HYCC2: variants seen among roughly 807,000 people sequenced by gnomAD.
HYCC2 encodes the protein hyccin 2.
the HYCC2 span, among the ~76,000 whole-genome samples, chr2:201,020,380 G>A: frequency 5.0e-4 from 76 of 152,290 alleles, 1 homozygote; most frequent in Admixed American, 2.0e-4. Flanking sequence ...ACTTGAGTGG[G>A]TTAAAGAATG....
At chr2:201,008,990 T>C in the HYCC2 span, 1 of 1,610,672 alleles carries the variant, frequency 6.2e-7, no homozygotes, top group Admixed American at 1.7e-5. Flanking sequence ...GTGCAGTGAA[T>C]GTTTCCCTCT....
chr2:200,993,418 G>A, the HYCC2 span, among the ~76,000 whole-genome samples: 1 of 152,122 alleles, frequency 6.6e-6, no homozygotes, highest in Non-Finnish European at 1.5e-5. Flanking sequence ...TGTTGTCTGT[G>A]AGGCCATTTT....
the HYCC2 span, among the ~76,000 whole-genome samples, chr2:200,988,999 A>AT: frequency 6.6e-6 from 1 of 152,222 alleles, no homozygotes; most frequent in Non-Finnish European, 1.5e-5. Context: ...AGCAGCCTGG[A>AT]TAGGTGTGCC....
the HYCC2 span, among the ~76,000 whole-genome samples, chr2:201,018,117 T>G: frequency 6.6e-6 from 1 of 152,146 alleles, no homozygotes; most frequent in African/African-American, 2.4e-5. Context: ...TTCAATTGGC[T>G]AATTTTTCAT....
At chr2:201,021,037 G>A in the HYCC2 span, among the ~76,000 whole-genome samples, 1 of 152,170 alleles carries the variant, frequency 6.6e-6, no homozygotes, top group African/African-American at 2.4e-5. Flanking sequence ...AAAGTGCTGA[G>A]ATTACAGGCG....
chr2:200,979,685 G>A, the HYCC2 span: 1 of 152,514 alleles, frequency 6.6e-6, no homozygotes, highest in Non-Finnish European at 1.5e-5. Context: ...ACATCTAAAT[G>A]TACAAAGCAC....
the HYCC2 span, among the ~76,000 whole-genome samples, chr2:201,037,899 A>C: frequency 6.6e-6 from 1 of 152,176 alleles, no homozygotes; most frequent in East Asian, 1.9e-4. Context: ...AATGGGATCT[A>C]ATTAAACTAA....
chr2:201,037,365 C>T, the HYCC2 span, among the ~76,000 whole-genome samples: 8 of 152,098 alleles, frequency 5.3e-5, no homozygotes, highest in African/African-American at 9.7e-5. Context: ...TACCAATGAC[C>T]TTCTTCACAG....
chr2:201,050,141 G>A, the HYCC2 span, among the ~76,000 whole-genome samples: 15 of 151,402 alleles, frequency 9.9e-5, no homozygotes, highest in East Asian at 1.9e-4. Flanking sequence ...TTGAGCCCAC[G>A]AGTTTAAGGC....
the HYCC2 span, among the ~76,000 whole-genome samples, chr2:201,060,644 GA>G: frequency 6.6e-6 from 1 of 151,990 alleles, no homozygotes; most frequent in East Asian, 1.9e-4. Context: ...TCCTACGTCT[GA>G]ATTTTTTTTA....
the HYCC2 span, among the ~76,000 whole-genome samples, chr2:201,030,730 C>A: frequency 7.2e-5 from 11 of 152,146 alleles, no homozygotes; most frequent in Non-Finnish European, 1.0e-4. Context: ...AGGAGTGCAC[C>A]ACCACACCCA....
At chr2:201,038,570 A>T in the HYCC2 span, among the ~76,000 whole-genome samples, 1 of 152,248 alleles carries the variant, frequency 6.6e-6, no homozygotes, top group Non-Finnish European at 1.5e-5. Context: ...GCCATAAAAA[A>T]GGATGAGTTC....
chr2:201,055,572 A>G, the HYCC2 span, among the ~76,000 whole-genome samples: 1 of 152,018 alleles, frequency 6.6e-6, no homozygotes, highest in Non-Finnish European at 1.5e-5. Flanking sequence ...GGTAGTGAGC[A>G]CCTATAGTTC....
At chr2:200,978,362 T>C in the HYCC2 span, 2 of 148,952 alleles carry the variant, frequency 1.3e-5, no homozygotes, top group South Asian at 2.1e-4. Flanking sequence ...CCTAAAAGAA[T>C]AGAAAACAAA....
At chr2:201,062,951 A>G in the HYCC2 span, 1 of 1,038,854 alleles carries the variant, frequency 9.6e-7, no homozygotes. Flanking sequence ...AACAACTACT[A>G]CTGCTGCTGC....
chr2:201,056,936 C>A, the HYCC2 span, among the ~76,000 whole-genome samples: 2 of 152,154 alleles, frequency 1.3e-5, no homozygotes, highest in African/African-American at 4.8e-5. Flanking sequence ...TAGCAGCATC[C>A]CTGCCCTCTT....
the HYCC2 span, among the ~76,000 whole-genome samples, chr2:201,034,306 T>C: frequency 6.6e-6 from 1 of 152,190 alleles, no homozygotes; most frequent in African/African-American, 2.4e-5. Context: ...TGGGTGCATA[T>C]ATATTTAGGA....
At chr2:201,031,701 C>T in the HYCC2 span, among the ~76,000 whole-genome samples, 5 of 152,060 alleles carry the variant, frequency 3.3e-5, no homozygotes, top group Non-Finnish European at 7.4e-5. Flanking sequence ...AGGCTTGACT[C>T]TTCTAAAATT....
the HYCC2 span, among the ~76,000 whole-genome samples, chr2:201,003,589 A>C: frequency 6.6e-6 from 1 of 151,662 alleles, no homozygotes; most frequent in Non-Finnish European, 1.5e-5. Flanking sequence ...TGCGCCTGTA[A>C]TCCCAGCTAC....
Sources: gnomAD v4.1 joint callset for allele counts (sites outside exome capture counted in the v4.1 genomes callset) on GRCh38, gnomAD v4.1.1 for gene constraint, MANE v1.5 for transcripts, NCBI Gene and HGNC (gene_info 2026-07-23, HGNC 2026-07-21) for gene names.